The following SLC22A16 variants were observed in gnomAD, a reference collection of about 807,000 sequenced individuals.
The protein encoded by SLC22A16 is WUGSC:RG331P03.1.
SLC22A16 carries 53 observed loss-of-function variants against 52.9 expected under a neutral mutation model. The ratio of observed to expected loss-of-function variants is 1.00; its 90% CI spans 0.80 to 1.26. SLC22A16 has a LOEUF of 1.26. Among genes scored for constraint, SLC22A16 ranks in the 50% most tolerant of loss-of-function variants. SLC22A16 has a pLI of 0.00. For synonymous variants in SLC22A16, 291 were observed against 268.8 expected, an observed-to-expected ratio of 1.08 and a Z score of -0.81; for missense variants, 726 against 704.0, an observed-to-expected ratio of 1.03 and a Z score of -0.35.
intron 2 of SLC22A16, among the ~76,000 whole-genome samples, chr6:110,449,651 A>G (rs1189851878): frequency 1.3e-5 from 2 of 152,138 alleles, no homozygotes; most frequent in African/African-American, 4.8e-5. Context: ...ATCTCCTTCC[A>G]TTAGGCTTCT....
At position 110,469,179 on chromosome 6, in the gene SLC22A16, C is replaced by T. The variant is rs117439093; in HGVS notation, c.53+7343G>A. Among the ~76,000 whole-genome samples, 1,026 of 152,312 alleles carry T rather than the reference C, an allele frequency of 6.7e-3. 8 individuals are homozygous for T. The highest frequency in any genetic ancestry group is 0.012 in the Non-Finnish European group (791 of 68,036). On this transcript the variant is annotated intron_variant, in intron 1 of 7. Transcript: ENST00000368919. ...CCTCTTTACTCTACTCTATTCACTCCTGCCTGTACTGTACGTGGCAGCTTA... is the reference window on the plus strand; with the variant it reads ...CCTCTTTACTCTACTCTATTCACTCTTGCCTGTACTGTACGTGGCAGCTTA...
In SLC22A16 at chr6:110,442,337, G is replaced by A. The variant is rs375718571; in HGVS notation, c.1090C>T (p.Leu364=). 1 of 1,614,040 alleles carries A rather than the reference G, an allele frequency of 6.2e-7. No homozygotes were observed. The highest frequency in any genetic ancestry group is 1.3e-5 in the African/African-American group (1 of 74,906). The change falls in exon 4 of 8, where the codon CTA becomes TTA. Residue 364 remains leucine, a synonymous_variant. Transcript: ENST00000368919. ...SITKRTLTVW[L]IWFTGSLGFY... ...CCCAAACTTCCAGTGAACCAGATTAGCCAAACGGTAAGTGTCCTTTTCGTA... is the reference window on the plus strand; with the variant it reads ...CCCAAACTTCCAGTGAACCAGATTAACCAAACGGTAAGTGTCCTTTTCGTA...
chr6:110,438,743 C>G lies in SLC22A16; in HGVS notation c.1288G>C (p.Gly430Arg). The change falls in exon 5 of 8, where the codon GGT becomes CGT. Residue 430 changes from glycine (G) to arginine (R), a missense_variant. Physicochemically the swap from Gly to Arg is moderately radical, Grantham distance 125. Transcript: ENST00000368919. Reference sequence around the variant, plus strand: ...ACCTGGGGGATCACCATAACGACACCACAGGCCAGTGCACTGCAGAAAAGA... The same window carrying G: ...ACCTGGGGGATCACCATAACGACACGACAGGCCAGTGCACTGCAGAAAAGA... ...YSLFCSALAC[G>R]VVMVIPQKHY... The G allele has an allele frequency of 6.2e-7, 1 of 1,613,622 alleles. No homozygotes were observed. Among genetic ancestry groups the G allele is most frequent in the South Asian group, 1.1e-5 (1 of 91,024 alleles).
chr6:110,449,377 C>T (rs927614402), intron 2 of SLC22A16, among the ~76,000 whole-genome samples: 1 of 152,194 alleles, frequency 6.6e-6, no homozygotes, highest in South Asian at 2.1e-4. Flanking sequence ...GCTCTGATTC[C>T]TAAGTATGGG....
chr6:110,437,492 C>A (rs1352152036), intron 5 of SLC22A16, among the ~76,000 whole-genome samples: 4 of 152,146 alleles, frequency 2.6e-5, no homozygotes. Context: ...GTATCAATCA[C>A]CTGGAAATTT....
At chr6:110,471,008 G>A (rs570348675) in intron 1 of SLC22A16, among the ~76,000 whole-genome samples, 1 of 152,128 alleles carries the variant, frequency 6.6e-6, no homozygotes, top group Non-Finnish European at 1.5e-5. Context: ...AAACTCTCTG[G>A]CAGGGGACCA....
chr6:110,425,841 C>G (rs1774238047), intron 7 of SLC22A16, among the ~76,000 whole-genome samples: 1 of 152,242 alleles, frequency 6.6e-6, no homozygotes, highest in Admixed American at 6.5e-5. Flanking sequence ...TTTTTATTAA[C>G]AGAGCTAAAT....
chr6:110,471,927 A>C (rs1005277976), intron 1 of SLC22A16, among the ~76,000 whole-genome samples: 5 of 152,210 alleles, frequency 3.3e-5, no homozygotes, highest in African/African-American at 2.4e-5. Context: ...AGGCATGCCT[A>C]ATCTGTCCAC....
In SLC22A16 at chr6:110,456,729, A is replaced by G. The variant is rs1453940956; in HGVS notation, c.342T>C (p.Tyr114=). 6 of 1,614,006 alleles carry G rather than the reference A, an allele frequency of 3.7e-6. No individual in the cohort carries two copies. The African/African-American group carries it at 4.0e-5, about 11-fold the overall frequency. The stretch of plus-strand genomic sequence containing the variant: ...ACTCTTTCTTACTGCCAGTGTATTC[A>G]TAGCCCAAACTCGATGTGTTCTCCC... ...NKRENTSSLG[Y]EYTGSKKEFP... The change falls in exon 2 of 8, where the codon TAT becomes TAC. Residue 114 remains tyrosine, a synonymous_variant. Transcript: ENST00000368919.
In SLC22A16 at chr6:110,446,767, G is replaced by A. The variant is rs976738147; in HGVS notation, c.651+106C>T. ...CTTCTGCAGTGGAGTGGACAAAGAT[G>A]AGTCCTTGATCTCGCTCACTAGATC... On this transcript the variant is annotated intron_variant, in intron 3 of 7. Transcript: ENST00000368919. 4 of 933,512 alleles carry A rather than the reference G, an allele frequency of 4.3e-6. No homozygotes were observed. The Admixed American group carries it at 6.7e-5, about 16-fold the overall frequency. The allele number at this position is 933,512 out of a possible 1,614,324, so 57.8% of individuals were successfully genotyped here.
chr6:110,452,138 C>A (rs1247577752), intron 2 of SLC22A16, among the ~76,000 whole-genome samples: 1 of 152,182 alleles, frequency 6.6e-6, no homozygotes, highest in Admixed American at 6.5e-5. Flanking sequence ...TATCTATTTA[C>A]TTTAATGATT....
At chr6:110,425,389 T>A (rs2114865113) in intron 7 of SLC22A16, 1 of 1,337,764 alleles carries the variant, frequency 7.5e-7, no homozygotes. Flanking sequence ...GGAGCTGTGG[T>A]CAGAAAGAAA....
At position 110,431,133 on chromosome 6, in the gene SLC22A16, C is replaced by T. The variant is rs115390178; in HGVS notation, c.1521+38G>A. The T allele has an allele frequency of 2.0e-4, 310 of 1,559,052 alleles. 1 individual carries two copies. The African/African-American group carries it at 3.5e-3, about 18-fold the overall frequency. On this transcript the variant is annotated intron_variant, in intron 7 of 7. Transcript: ENST00000368919. ...CTAATAGGCAATTAGAAACTGCCTC[C>T]GTGCCCCCTTGGGGAGGGTCTGCAA...
intron 1 of SLC22A16, among the ~76,000 whole-genome samples, chr6:110,474,774 T>G (rs752179447): frequency 8.5e-5 from 13 of 152,236 alleles, no homozygotes; most frequent in Non-Finnish European, 8.8e-5. Flanking sequence ...TTGAATGGTC[T>G]CGTGGCACAG....
chr6:110,476,496 G>GGT (rs756256637), intron 1 of SLC22A16, 26 bp downstream of exon 1: 4 of 1,359,272 alleles, frequency 2.9e-6, no homozygotes, highest in East Asian at 6.0e-5. Context: ...CCTCCCGCGT[G>GGT]GCGCCGCGGG....
At chr6:110,463,269 A>G (rs1041897728) in intron 1 of SLC22A16, among the ~76,000 whole-genome samples, 2 of 152,054 alleles carry the variant, frequency 1.3e-5, no homozygotes, top group African/African-American at 4.8e-5. Flanking sequence ...AAAACCTCAC[A>G]TATCATTATT....
At chr6:110,469,739 A>C (rs1382396443) in intron 1 of SLC22A16, among the ~76,000 whole-genome samples, 4 of 144,768 alleles carry the variant, frequency 2.8e-5, no homozygotes, top group Admixed American at 2.0e-4. Context: ...AACAGTTCAT[A>C]TGTACTAATT....
chr6:110,435,886 G>C lies in SLC22A16; in HGVS notation c.1387C>G (p.Leu463Val), dbSNP rs139600211. The C allele has an allele frequency of 1.2e-6, 2 of 1,613,846 alleles. No individual in the cohort carries two copies. Among genetic ancestry groups the C allele is most frequent in the African/African-American group, 2.7e-5 (2 of 75,040 alleles). ...AIGAAFGLIYLYTAELYPTIV... is the reference protein window; with the variant it reads ...AIGAAFGLIYVYTAELYPTIV... Reference sequence around the variant, plus strand: ...GTTGGATACAGCTCAGCTGTATAAAGATAAATGAGGCCAAATGCTGCCCCG... The same window carrying C: ...GTTGGATACAGCTCAGCTGTATAAACATAAATGAGGCCAAATGCTGCCCCG... Residue 463 changes from leucine (L) to valine (V), a missense_variant, in exon 6 of 8, where the codon CTT becomes GTT. Transcript: ENST00000368919.
rs774262183 is a variant in SLC22A16 at position 110,424,911 on chromosome 6, C to T, written c.1696G>A (p.Glu566Lys). Residue 566 changes from glutamate (E) to lysine (K), a missense_variant, in exon 8 of 8, where the codon GAA becomes AAA. Transcript: ENST00000368919. ...CCAGAATCCCTGGGGGTAATCGCTTCCGTTTTTTCCAGCCCACTATTATTA... is the reference window on the plus strand; with the variant it reads ...CCAGAATCCCTGGGGGTAATCGCTTTCGTTTTTTCCAGCCCACTATTATTA... ...TTNNSGLEKT[E>K]AITPRDSGLG... 31 of 1,613,972 alleles carry T rather than the reference C, an allele frequency of 1.9e-5. No homozygotes were observed. The highest frequency in any genetic ancestry group is 2.4e-5 in the Non-Finnish European group (28 of 1,180,034).
Sources: allele counts gnomAD v4.1 joint callset (sites outside exome capture counted in the v4.1 genomes callset), GRCh38; gene constraint gnomAD v4.1.1; transcripts MANE v1.5; gene names NCBI Gene and HGNC (gene_info 2026-07-23, HGNC 2026-07-21).